MTUS2: variants seen among roughly 807,000 people sequenced by gnomAD.
MTUS2 encodes the protein microtubule-associated tumor suppressor candidate 2.
In MTUS2, 40 loss-of-function variants were observed where a neutral mutation model predicts 114.1. The ratio of observed to expected loss-of-function variants is 0.35; its 90% CI spans 0.27 to 0.46. The LOEUF (loss-of-function observed/expected upper bound fraction) is 0.46. Among genes scored for constraint, MTUS2 ranks in the 20% least tolerant of loss-of-function variants. The probability of loss-of-function intolerance (pLI) is 1.00; values close to 1 mark genes in which losing one functional copy is unlikely to be tolerated. For synonymous variants in MTUS2, 688 were observed against 672.0 expected (o/e 1.02, Z -0.37); for missense variants, 1,679 against 1,705.4 (o/e 0.98, Z 0.27).
At chr13:29,202,766 C>T (rs1187912414) in intron 5 of MTUS2, among the ~76,000 whole-genome samples, 2 of 152,206 alleles carry the variant, frequency 1.3e-5, no homozygotes, top group African/African-American at 4.8e-5. Flanking sequence ...TCAGGCCCCT[C>T]TACTGCAGGT....
At chr13:28,999,479 A>G (rs1885284287) in intron 2 of MTUS2, among the ~76,000 whole-genome samples, 1 of 152,154 alleles carries the variant, frequency 6.6e-6, no homozygotes, top group Admixed American at 6.5e-5. Flanking sequence ...TATTTATTTA[A>G]TTCTTGAAAG....
chr13:28,993,055 A>T (rs527524242), intron 2 of MTUS2, among the ~76,000 whole-genome samples: 1 of 152,272 alleles, frequency 6.6e-6, no homozygotes, highest in African/African-American at 2.4e-5. Context: ...ATGTTGCAGG[A>T]TGTGTCAGAA....
chr13:28,877,535 C>T (rs1041776205), intron 2 of MTUS2, among the ~76,000 whole-genome samples: 12 of 151,908 alleles, frequency 7.9e-5, no homozygotes, highest in African/African-American at 2.7e-4. Context: ...GAAGTATAAC[C>T]GAGAATGTCA....
At chr13:28,956,797 A>C (rs1883088926) in intron 2 of MTUS2, among the ~76,000 whole-genome samples, 1 of 149,162 alleles carries the variant, frequency 6.7e-6, no homozygotes, top group Non-Finnish European at 1.5e-5. Flanking sequence ...GCTGCCCTAG[A>C]GATGGGTGAG....
intron 7 of MTUS2, among the ~76,000 whole-genome samples, chr13:29,333,069 G>T (rs1447328846): frequency 1.3e-5 from 2 of 152,112 alleles, no homozygotes; most frequent in Non-Finnish European, 2.9e-5. Flanking sequence ...GGTACGTTGT[G>T]TCTTTGTTCT....
chr13:29,018,665 C>T (rs1473746501), intron 2 of MTUS2, among the ~76,000 whole-genome samples: 3 of 151,968 alleles, frequency 2.0e-5, no homozygotes, highest in Non-Finnish European at 4.4e-5. Context: ...GAGGTTGAGG[C>T]AGGATAACTG....
intron 8 of MTUS2, among the ~76,000 whole-genome samples, chr13:29,406,577 C>T (rs917042434): frequency 6.6e-6 from 1 of 152,144 alleles, no homozygotes; most frequent in Non-Finnish European, 1.5e-5. Flanking sequence ...TTTAATCTAA[C>T]TTGGAAGTGA....
At chr13:29,365,914 ACT>A (rs1593354961) in intron 8 of MTUS2, among the ~76,000 whole-genome samples, 1 of 152,048 alleles carries the variant, frequency 6.6e-6, no homozygotes, top group Non-Finnish European at 1.5e-5. Context: ...AAAAATCATG[ACT>A]CTCTAACAAG....
intron 5 of MTUS2, among the ~76,000 whole-genome samples, chr13:29,245,721 G>A (rs1233004127): frequency 7.1e-6 from 1 of 141,844 alleles, no homozygotes; most frequent in Non-Finnish European, 1.5e-5. Flanking sequence ...TTTTGAGACG[G>A]AGTCTCGCTC....
At chr13:29,428,151 C>CA (rs965155074) in intron 8 of MTUS2, among the ~76,000 whole-genome samples, 29 of 151,734 alleles carry the variant, frequency 1.9e-4, no homozygotes, top group South Asian at 8.3e-4. Flanking sequence ...TCAAAGAAGG[C>CA]AAAAAAAATT....
intron 5 of MTUS2, among the ~76,000 whole-genome samples, chr13:29,184,285 A>G (rs958860691): frequency 5.3e-5 from 8 of 152,170 alleles, no homozygotes; most frequent in African/African-American, 1.9e-4. Flanking sequence ...CACCCCCTCC[A>G]GGGGCCTCCC....
At chr13:29,040,283 G>T (rs767919980) in intron 4 of MTUS2, among the ~76,000 whole-genome samples, 1 of 152,196 alleles carries the variant, frequency 6.6e-6, no homozygotes, top group Non-Finnish European at 1.5e-5. Context: ...CCAGGTTGCT[G>T]CGAATGCCAT....
chr13:29,435,444 G>A (rs370083438), intron 8 of MTUS2, among the ~76,000 whole-genome samples: 1 of 152,172 alleles, frequency 6.6e-6, no homozygotes, highest in African/African-American at 2.4e-5. Context: ...AACCCACAGT[G>A]TCATCACCCA....
intron 7 of MTUS2, among the ~76,000 whole-genome samples, chr13:29,357,240 A>G (rs1024571334): frequency 6.6e-6 from 1 of 152,174 alleles, no homozygotes; most frequent in Non-Finnish European, 1.5e-5. Flanking sequence ...CTTAGGAGCT[A>G]TCCTCCCCAG....
chr13:29,439,886 T>C (rs1877701860), intron 8 of MTUS2, 97 bp from the exon 9 acceptor site: 2 of 984,170 alleles, frequency 2.0e-6, no homozygotes, highest in Non-Finnish European at 1.6e-6. Flanking sequence ...ACTAGACTTA[T>C]AAATATTTGC....
chr13:28,994,166 C>G (rs545409707), intron 2 of MTUS2, among the ~76,000 whole-genome samples: 1 of 151,952 alleles, frequency 6.6e-6, no homozygotes, highest in Non-Finnish European at 1.5e-5. Context: ...GTTTTTTGTC[C>G]TTGGGATAGT....
chr13:29,227,079 G>A (rs750316311), intron 5 of MTUS2, among the ~76,000 whole-genome samples: 4 of 152,086 alleles, frequency 2.6e-5, no homozygotes, highest in South Asian at 2.1e-4. Context: ...CCAACATGGC[G>A]AAACCCTGTC....
chr13:29,426,321 A>G (rs1034848907), intron 8 of MTUS2, among the ~76,000 whole-genome samples: 8 of 152,240 alleles, frequency 5.3e-5, no homozygotes, highest in African/African-American at 1.7e-4. Flanking sequence ...TTTCAACTTA[A>G]CGGTATTTTC....
intron 4 of MTUS2, among the ~76,000 whole-genome samples, chr13:29,061,700 A>G (rs932231904): frequency 1.3e-5 from 2 of 152,212 alleles, no homozygotes; most frequent in South Asian, 2.1e-4. Flanking sequence ...AGATAGGGCA[A>G]TGACTTGACA....
Sources: allele counts gnomAD v4.1 joint callset (sites outside exome capture counted in the v4.1 genomes callset), GRCh38; gene constraint gnomAD v4.1.1; transcripts MANE v1.5; gene names NCBI Gene and HGNC (gene_info 2026-07-23, HGNC 2026-07-21).